PHACTR2: variants seen among roughly 807,000 people sequenced by gnomAD.
PHACTR2 encodes the protein phosphatase and actin regulator 2, also known as chromosome 6 open reading frame 56.
Under a neutral mutation model 76.0 loss-of-function variants are expected in PHACTR2, and 30 were observed. That is an observed-to-expected ratio of 0.39 (90% CI 0.30 to 0.54). PHACTR2 has a LOEUF of 0.54. PHACTR2 is among the 20% of genes least tolerant of loss of function. PHACTR2 has a pLI of 0.61. For synonymous variants in PHACTR2, 292 were observed against 292.5 expected (o/e 1.00, Z 0.02); for missense variants, 696 against 781.1 (o/e 0.89, Z 1.30).
In PHACTR2 at chr6:143,774,799, A is replaced by T. The variant is rs1775235904; in HGVS notation, c.1589+584A>T. 6.6e-6 allele frequency among the ~76,000 whole-genome samples: 1 copy of T among 152,176 alleles called. No homozygotes were observed. The highest frequency in any genetic ancestry group is 2.4e-5 in the African/African-American group (1 of 41,460). On this transcript the variant is annotated intron_variant, in intron 8 of 12. Coordinates refer to ENST00000440869, the MANE Select transcript of PHACTR2 (RefSeq NM_001100164.2). This position sits in a 1 kb window ranked among gnomAD's most constrained non-coding sequence, Gnocchi z 5.4. ...ATCTGAACATCCCTCTTCCAACTTCAAGTAAATGGATCATCTGACATCTCT... is the reference window on the plus strand; with the variant it reads ...ATCTGAACATCCCTCTTCCAACTTCTAGTAAATGGATCATCTGACATCTCT...
chr6:143,542,022 G>A (rs940465866), intron 1 of PHACTR2, among the ~76,000 whole-genome samples: 2 of 152,176 alleles, frequency 1.3e-5, no homozygotes, highest in Admixed American at 1.3e-4. Context: ...AACTCAGAGT[G>A]GGTTTTTTTC....
chr6:143,587,392 C>T (rs532743791), intron 1 of PHACTR2, among the ~76,000 whole-genome samples: 2 of 152,250 alleles, frequency 1.3e-5, no homozygotes, highest in African/African-American at 4.8e-5. Flanking sequence ...AATACCACTA[C>T]TAAAAACAGA....
Position 143,823,575 on chromosome 6 carries a change from G to A in PHACTR2, c.1923-99G>A, listed in dbSNP as rs140294329. The A allele has an allele frequency of 1.1e-4, 90 of 802,348 alleles. No homozygotes were observed. The highest frequency in any genetic ancestry group is 1.1e-3 in the African/African-American group (65 of 59,356). 49.7% of individuals were successfully genotyped at this position (802,348 alleles called of 1,614,324 possible). ...GTAATTCAGTTGGGGGATATCTGGGGTACCTTTTCATTGTAAACATGACCA... is the reference window on the plus strand; with the variant it reads ...GTAATTCAGTTGGGGGATATCTGGGATACCTTTTCATTGTAAACATGACCA... On this transcript the variant is annotated intron_variant, in intron 12 of 12. Coordinates refer to ENST00000440869, the MANE Select transcript of PHACTR2 (RefSeq NM_001100164.2). This position sits in a 1 kb window ranked among gnomAD's most constrained non-coding sequence, Gnocchi z 5.7.
At chr6:143,771,190 G>GTATATATATATA (rs1562300806) in intron 6 of PHACTR2, among the ~76,000 whole-genome samples, 55 of 22,438 alleles carry the variant, frequency 2.5e-3, no homozygotes, top group African/African-American at 0.013. Context: ...ATATATATAT[G>GTATATATATATA]TGTGTATATA....
At position 143,578,299 on chromosome 6, in the gene PHACTR2, T is replaced by C. The variant is rs1775535368; in HGVS notation, c.217+41092T>C. Among the ~76,000 whole-genome samples, 1 of 152,212 alleles carries C rather than the reference T, an allele frequency of 6.6e-6. No individual in the cohort carries two copies. Among genetic ancestry groups the C allele is most frequent in the Admixed American group, 6.5e-5 (1 of 15,282 alleles). On this transcript the variant is annotated intron_variant, in intron 1 of 11. Coordinates refer to the PHACTR2 transcript ENST00000367584. The surrounding 1 kb of genome is among the most constrained non-coding windows in gnomAD (Gnocchi z 4.5). ...CAGTGCAATGCCTCATCCTCCATGT[T>C]TCCCCTTCTAGGATGATCTAGTTTG...
rs1038322923 is a variant in PHACTR2, at chr6:143,782,126, A to G, written c.1646-1093A>G. 4.6e-5 allele frequency among the ~76,000 whole-genome samples: 7 copies of G among 152,164 alleles called. No individual in the cohort carries two copies. In the South Asian group the frequency reaches 6.2e-4, roughly 14 times the overall value. ...ATATATTTCATACCTGTCATGGATTAAAAAAATTTTTTTTAATTGAACCCG... is the reference window on the plus strand; with the variant it reads ...ATATATTTCATACCTGTCATGGATTGAAAAAATTTTTTTTAATTGAACCCG... On this transcript the variant is annotated intron_variant, in intron 9 of 12. Coordinates refer to ENST00000440869, the MANE Select transcript of PHACTR2 (RefSeq NM_001100164.2). This position sits in a 1 kb window ranked among gnomAD's most constrained non-coding sequence, Gnocchi z 4.6.
intron 4 of PHACTR2, among the ~76,000 whole-genome samples, chr6:143,756,196 T>C (rs1424279920): frequency 1.3e-5 from 2 of 152,130 alleles, no homozygotes; most frequent in Admixed American, 6.5e-5. Context: ...GCAAAACAAA[T>C]GGCACGTGGT....
At position 143,709,588 on chromosome 6, in the gene PHACTR2, A is replaced by G. The variant is rs544860858; in HGVS notation, c.47-2428A>G. On this transcript the variant is annotated intron_variant, in intron 1 of 12. Coordinates refer to ENST00000440869, the MANE Select transcript of PHACTR2 (RefSeq NM_001100164.2). This position sits in a 1 kb window ranked among gnomAD's most constrained non-coding sequence, Gnocchi z 4.4. ...CTGACACCTCTATAGCAGGGGAAGCAGTGGGTGCCGCCTTGTCACCCCGAC... is the reference window on the plus strand; with the variant it reads ...CTGACACCTCTATAGCAGGGGAAGCGGTGGGTGCCGCCTTGTCACCCCGAC... 6.6e-6 allele frequency among the ~76,000 whole-genome samples: 1 copy of G among 152,324 alleles called. No individual in the cohort carries two copies. Among genetic ancestry groups the G allele is most frequent in the Non-Finnish European group, 1.5e-5 (1 of 68,010 alleles).
In PHACTR2 at chr6:143,813,910, T is replaced by A. The variant is rs190987097; in HGVS notation, c.1922+6777T>A. 8.5e-5 allele frequency among the ~76,000 whole-genome samples: 13 copies of A among 152,346 alleles called. No homozygotes were observed. The East Asian group carries it at 2.3e-3, about 27-fold the overall frequency. ...CAGTCAAAAATACACGTATAACTTT[T>A]GATTCTCCCAAAACGTAACTACTAA... On this transcript the variant is annotated intron_variant, in intron 12 of 12. Transcript: ENST00000440869.
Position 143,627,279 on chromosome 6 carries a change from T to C in PHACTR2, c.13+18957T>C, listed in dbSNP as rs1776277980. On this transcript the variant is annotated intron_variant, in intron 1 of 11. Transcript: ENST00000305766. The surrounding 1 kb of genome is among the most constrained non-coding windows in gnomAD (Gnocchi z 4.3). ...AGTCTCTAACTTTGTAGCTAAACAT[T>C]ATTATTTTCAAAACTAAGATAGCTT... 6.6e-6 allele frequency among the ~76,000 whole-genome samples: 1 copy of C among 152,210 alleles called. No individual in the cohort carries two copies. The highest frequency in any genetic ancestry group is 1.5e-5 in the Non-Finnish European group (1 of 68,040).
chr6:143,788,776 A>G lies in PHACTR2; in HGVS notation c.1711A>G (p.Ser571Gly). The change falls in exon 11 of 13, where the codon AGC (serine) becomes GGC (glycine). Residue 571 changes from serine to glycine, a missense_variant. Transcript: ENST00000440869. ...CTTTTTCCTTGTCCTCCTGCAGCTC[A>G]GCCTGAGACCCACAGTGGCAGAGCT... The part of the protein sequence containing the change: ...ELKRRLSRKL[S>G]LRPTVAELQA... The G allele has an allele frequency of 1.9e-6, 3 of 1,608,752 alleles. No individual in the cohort carries two copies. Among genetic ancestry groups the G allele is most frequent in the Non-Finnish European group, 2.6e-6 (3 of 1,176,070 alleles).
In PHACTR2 at chr6:143,757,123, GTTA is replaced by G. The variant is rs150087363; in HGVS notation, c.454+3217_454+3219del. Among the ~76,000 whole-genome samples, 1,665 of 152,200 alleles carry G rather than the reference GTTA, an allele frequency of 0.011. 31 individuals are homozygous for G. The highest frequency in any genetic ancestry group is 0.038 in the African/African-American group (1,584 of 41,536). Reference sequence around the variant, plus strand: ...TCTTGCTTGACATTATTTTTATTAAGTTATTATTTTAAAATCTTCAATGAAATA... The same window carrying G: ...TCTTGCTTGACATTATTTTTATTAAGTTATTTTAAAATCTTCAATGAAATA... On this transcript the variant is annotated intron_variant, in intron 4 of 12. Transcript: ENST00000440869. This position sits in a 1 kb window ranked among gnomAD's most constrained non-coding sequence, Gnocchi z 4.2.
chr6:143,712,971 G>A (rs1181249215), intron 2 of PHACTR2, among the ~76,000 whole-genome samples: 1 of 152,194 alleles, frequency 6.6e-6, no homozygotes, highest in Non-Finnish European at 1.5e-5. Flanking sequence ...TGAGTGTATT[G>A]TGTCTAAGAT....
upstream of PHACTR2, among the ~76,000 whole-genome samples, chr6:143,676,139 G>C (rs1460686965): frequency 5.3e-5 from 8 of 152,278 alleles, no homozygotes; most frequent in South Asian, 1.5e-3. The surrounding 1 kb of genome is among the most constrained non-coding windows in gnomAD (Gnocchi z 4.8). Flanking sequence ...AATGGAACTG[G>C]AAGAGTTTCA....
chr6:143,725,434 T>G (rs1778543351), intron 2 of PHACTR2, among the ~76,000 whole-genome samples: 1 of 150,450 alleles, frequency 6.6e-6, no homozygotes, highest in South Asian at 2.1e-4. Context: ...TCTCCTGACC[T>G]CGTGATCCGC....
At chr6:143,540,739 A>T (rs9496659) in intron 1 of PHACTR2, among the ~76,000 whole-genome samples, 4,028 of 152,268 alleles carry the variant, frequency 0.026, 181 homozygotes, top group African/African-American at 0.092. Flanking sequence ...ATATTTCAAA[A>T]TCTATACAAA....
chr6:143,631,845 A>G (rs913525566), intron 1 of PHACTR2, among the ~76,000 whole-genome samples: 3 of 152,176 alleles, frequency 2.0e-5, no homozygotes, highest in African/African-American at 7.2e-5. Flanking sequence ...GACAAAAATG[A>G]TGGAAACCCT....
chr6:143,537,198 T>C lies in PHACTR2; in HGVS notation c.208T>C (p.Ser70Pro). 2 of 286,728 alleles carry C rather than the reference T, an allele frequency of 7.0e-6. No homozygotes were observed. The highest frequency in any genetic ancestry group is 1.1e-4 in the East Asian group (1 of 9,496). The allele number at this position is 286,728 out of a possible 1,614,324, so 17.8% of individuals were successfully genotyped here. The change falls in exon 1 of 12, where the codon TCC becomes CCC. Residue 70 changes from serine (S) to proline (P), a missense_variant. Transcript: ENST00000367584. The surrounding 1 kb of genome is among the most constrained non-coding windows in gnomAD (Gnocchi z 4.4). ...GGGCCGCCCGCTCCGGGTCCACATCTCCGGCTCAGGTAAGAGCGGCTCGGG... is the reference window on the plus strand; with the variant it reads ...GGGCCGCCCGCTCCGGGTCCACATCCCCGGCTCAGGTAAGAGCGGCTCGGG...
chr6:143,655,196 A>G, intron 1 of PHACTR2, among the ~76,000 whole-genome samples: 1 of 151,956 alleles, frequency 6.6e-6, no homozygotes. Context: ...AAAAGAAAAC[A>G]TCATGCTAAG....
Sources: allele counts gnomAD v4.1 joint callset (sites outside exome capture counted in the v4.1 genomes callset), GRCh38; gene constraint gnomAD v4.1.1; non-coding constraint Gnocchi (gnomAD v3.1); transcripts MANE v1.5; gene names NCBI Gene and HGNC (gene_info 2026-07-23, HGNC 2026-07-21).